NDUFA10: variants seen among roughly 807,000 people sequenced by gnomAD.
NDUFA10 encodes the protein NADH:ubiquinone oxidoreductase subunit A10.
NDUFA10 carries 40 observed loss-of-function variants against 47.8 expected under a neutral mutation model. That is an observed-to-expected ratio of 0.84 (90% CI 0.65 to 1.09). NDUFA10 has a LOEUF of 1.09. Among genes scored for constraint, NDUFA10 ranks in the 50% least tolerant of loss-of-function variants. The probability of loss-of-function intolerance (pLI) is 0.00; values close to 1 mark genes in which losing one functional copy is unlikely to be tolerated. For missense variants in NDUFA10, 413 were observed against 451.1 expected (o/e 0.92, Z 0.76); for synonymous variants, 183 against 172.2 (o/e 1.06, Z -0.49).
At chr2:239,996,488 GA>G (rs1559370318) in intron 8 of NDUFA10, among the ~76,000 whole-genome samples, 1 of 152,154 alleles carries the variant, frequency 6.6e-6, no homozygotes, top group Non-Finnish European at 1.5e-5. Context: ...CATTTTGAAC[GA>G]AAATAAAAAT....
At chr2:240,024,308 C>T (rs1051837896) in intron 1 of NDUFA10, among the ~76,000 whole-genome samples, 14 of 152,142 alleles carry the variant, frequency 9.2e-5, no homozygotes, top group African/African-American at 3.4e-4. Flanking sequence ...GTTACCAAGC[C>T]ACGAAGACAT....
At chr2:239,976,430 C>CA (rs940709638) in intron 9 of NDUFA10, 1 of 152,606 alleles carries the variant, frequency 6.6e-6, no homozygotes, top group Admixed American at 6.5e-5. Context: ...AACTGCCCCC[C>CA]CCAAGACTCT....
chr2:239,915,332 A>C (rs116172144), intron 4 of NDUFA10, among the ~76,000 whole-genome samples: 2 of 133,984 alleles, frequency 1.5e-5, no homozygotes, highest in African/African-American at 2.9e-5. Context: ...ACACACAGAG[A>C]ACGAAGACAT....
chr2:239,973,921 T>C (rs922568344), intron 9 of NDUFA10, among the ~76,000 whole-genome samples: 12 of 152,136 alleles, frequency 7.9e-5, no homozygotes, highest in African/African-American at 2.9e-4. Context: ...TTTACTTATT[T>C]ATTTTTATTT....
intron 4 of NDUFA10, among the ~76,000 whole-genome samples, chr2:239,908,021 G>A (rs1693686988): frequency 6.6e-6 from 1 of 152,180 alleles, no homozygotes; most frequent in South Asian, 2.1e-4. Context: ...TGATAGACTG[G>A]ATTAAGAAAA....
At chr2:239,929,645 A>T (rs1258880913) in intron 4 of NDUFA10, among the ~76,000 whole-genome samples, 1 of 144,094 alleles carries the variant, frequency 6.9e-6, no homozygotes, top group Admixed American at 6.9e-5. Flanking sequence ...TTGCTCCTCC[A>T]CCGCCCCTGC....
chr2:240,017,729 C>A, intron 4 of NDUFA10: 2 of 1,083,504 alleles, frequency 1.8e-6, no homozygotes, highest in South Asian at 1.4e-5. Flanking sequence ...AGTGCTCTTG[C>A]GGGCGGCAAG....
At chr2:239,907,527 C>A (rs932375502) in intron 4 of NDUFA10, among the ~76,000 whole-genome samples, 5 of 152,142 alleles carry the variant, frequency 3.3e-5, no homozygotes, top group Non-Finnish European at 7.3e-5. Flanking sequence ...CCAGAATCTA[C>A]AAAGAACTTA....
In NDUFA10 at chr2:240,025,335, G is replaced by A. The variant is rs920826583; in HGVS notation, c.-34C>T. 1.3e-5 allele frequency: 19 copies of A among 1,476,934 alleles called. No individual in the cohort carries two copies. In the East Asian group the frequency reaches 1.5e-4, roughly 11 times the overall value. 91.5% of individuals were successfully genotyped at this position (1,476,934 alleles called of 1,614,324 possible). ...GGTCAGCTCAGGATCAAGGACCCAA[G>A]GGGACGCGGTCGCGACGGGGCCCTC... is the stretch of plus-strand genomic sequence containing the variant. On this transcript the variant is annotated 5_prime_UTR_variant, in exon 1 of 10. Transcript: ENST00000252711.
At chr2:239,990,921 A>C (rs1173383171) in intron 8 of NDUFA10, among the ~76,000 whole-genome samples, 1 of 152,204 alleles carries the variant, frequency 6.6e-6, no homozygotes, top group Non-Finnish European at 1.5e-5. Flanking sequence ...AAAAACATTA[A>C]AATAAAGTCT....
At chr2:239,915,265 TACAG>T (rs1693838892) in intron 4 of NDUFA10, among the ~76,000 whole-genome samples, 3 of 145,712 alleles carry the variant, frequency 2.1e-5, no homozygotes, top group South Asian at 2.3e-4. Flanking sequence ...CACACACACA[TACAG>T]ACACACACAA....
chr2:240,024,963 G>C lies in NDUFA10; in HGVS notation c.75+264C>G, dbSNP rs548625621. ...CTGCACACGGGCCTCCCGCATCAGGGCAGCCTCGGGGCCCTGATCACCTCC... is the reference window on the plus strand; with the variant it reads ...CTGCACACGGGCCTCCCGCATCAGGCCAGCCTCGGGGCCCTGATCACCTCC... On this transcript the variant is annotated intron_variant, in intron 1 of 9. Coordinates refer to ENST00000252711, the MANE Select transcript of NDUFA10 (RefSeq NM_004544.4). 8.1e-5 allele frequency among the ~76,000 whole-genome samples: 7 copies of C among 86,580 alleles called. No individual in the cohort carries two copies. The South Asian group carries it at 2.1e-3, about 26-fold the overall frequency. The allele number at this position is 86,580 out of a possible 152,430, so 56.8% of individuals were successfully genotyped here.
intron 4 of NDUFA10, among the ~76,000 whole-genome samples, chr2:239,948,444 G>A (rs530768281): frequency 1.3e-5 from 2 of 152,328 alleles, no homozygotes; most frequent in African/African-American, 4.8e-5. Flanking sequence ...AAAGTAACAG[G>A]CGTTCAAAAC....
intron 4 of NDUFA10, among the ~76,000 whole-genome samples, chr2:239,898,487 C>T (rs1054806059): frequency 1.3e-5 from 2 of 152,220 alleles, no homozygotes; most frequent in African/African-American, 4.8e-5. Flanking sequence ...GAGCTGATGC[C>T]GTATTTACGA....
intron 8 of NDUFA10, among the ~76,000 whole-genome samples, chr2:240,000,686 T>TCACG (rs1696673194): frequency 6.6e-6 from 1 of 152,180 alleles, no homozygotes; most frequent in Non-Finnish European, 1.5e-5. Flanking sequence ...TCAGCTCCAC[T>TCACG]CACGGTACAT....
At chr2:239,947,307 A>G (rs1694471573) in intron 4 of NDUFA10, among the ~76,000 whole-genome samples, 1 of 152,208 alleles carries the variant, frequency 6.6e-6, no homozygotes, top group Non-Finnish European at 1.5e-5. Context: ...TAAGGCCTAC[A>G]TCCCACACCA....
Position 239,959,109 on chromosome 2 carries a change from C to G in NDUFA10, c.*2009G>C, listed in dbSNP as rs370309206. On this transcript the variant is annotated 3_prime_UTR_variant, in exon 10 of 10. Coordinates refer to ENST00000252711, the MANE Select transcript of NDUFA10 (RefSeq NM_004544.4). ...TGAACATGCATGTCATTGAAAACACCAGAAAATCAAACAGACGAATGTCCT... is the reference window on the plus strand; with the variant it reads ...TGAACATGCATGTCATTGAAAACACGAGAAAATCAAACAGACGAATGTCCT... 23 of 985,436 alleles carry G rather than the reference C, an allele frequency of 2.3e-5. No individual in the cohort carries two copies. The South Asian group carries it at 8.5e-4, about 36-fold the overall frequency. The allele number at this position is 985,436 out of a possible 1,614,324, so 61.0% of individuals were successfully genotyped here. A position where few individuals can be genotyped will look rare whatever the true frequency, so the allele number is the denominator to read the frequency against.
chr2:239,913,496 G>A (rs1046245558), intron 4 of NDUFA10, among the ~76,000 whole-genome samples: 1 of 152,204 alleles, frequency 6.6e-6, no homozygotes, highest in South Asian at 2.1e-4. Flanking sequence ...GGTGGGTGGC[G>A]TGGCCTTGCT....
At chr2:239,975,884 A>G (rs11691544) in intron 9 of NDUFA10, among the ~76,000 whole-genome samples, 18,005 of 152,102 alleles carry the variant, frequency 0.12, 1,250 homozygotes, top group South Asian at 0.15. Context: ...TCGGTTCTGT[A>G]TCTCTCGCTG....
Sources: allele counts gnomAD v4.1 joint callset (sites outside exome capture counted in the v4.1 genomes callset), GRCh38; gene constraint gnomAD v4.1.1; transcripts MANE v1.5; gene names NCBI Gene and HGNC (gene_info 2026-07-23, HGNC 2026-07-21).